Variants in PDXDC1 observed in about 807,000 individuals in gnomAD.
PDXDC1 encodes pyridoxal dependent decarboxylase domain containing 1.
PDXDC1 carries 42 observed loss-of-function variants against 100.1 expected under a neutral mutation model. The observed-to-expected ratio is 0.42, with a 90% CI of 0.33 to 0.54. The LOEUF (loss-of-function observed/expected upper bound fraction) is 0.54. Among genes scored for constraint, PDXDC1 ranks in the 20% least tolerant of loss-of-function variants. PDXDC1 has a pLI of 0.10. For missense variants in PDXDC1, 636 were observed against 979.2 expected, an observed-to-expected ratio of 0.65 and a Z score of 4.68; for synonymous variants, 260 against 371.7, an observed-to-expected ratio of 0.70 and a Z score of 3.46.
chr16:15,139,772 C>A (rs1454697658), downstream of PDXDC1, among the ~76,000 whole-genome samples: 1 of 151,708 alleles, frequency 6.6e-6, no homozygotes, highest in Non-Finnish European at 1.5e-5. Flanking sequence ...CAGAGCAAGA[C>A]CCGGTCTCGA....
intron 16 of PDXDC1, among the ~76,000 whole-genome samples, chr16:15,076,980 C>CTTTT (rs11419800): frequency 2.8e-5 from 4 of 143,916 alleles, no homozygotes; most frequent in Admixed American, 6.9e-5. Context: ...ACCCAAATCA[C>CTTTT]TTTTTTTTTT....
chr16:15,083,576 C>A lies in PDXDC1; in HGVS notation c.1399+53520C>A, dbSNP rs556979990. The stretch of plus-strand genomic sequence containing the variant: ...CCACCAGTATTGGCATGAGAAACCA[C>A]GGTGTCCTATTTTTAAAAAATTAAA... On this transcript the variant is annotated intron_variant, in intron 16 of 16. Coordinates refer to the PDXDC1 transcript ENST00000535621. 5.0e-6 allele frequency: 8 copies of A among 1,606,176 alleles called. No homozygotes were observed. In the East Asian group the frequency reaches 1.6e-4, roughly 31 times the overall value.
At chr16:15,021,415 C>T (rs1198223253) in intron 12 of PDXDC1, among the ~76,000 whole-genome samples, 3 of 152,274 alleles carry the variant, frequency 2.0e-5, no homozygotes, top group African/African-American at 2.4e-5. Flanking sequence ...GATTGATGCT[C>T]ATTATGTTTA....
rs1273359479 is a variant in PDXDC1 at position 15,062,037 on chromosome 16, A to T, written c.1399+31981A>T. 8.6e-6 allele frequency: 8 copies of T among 927,688 alleles called. No individual in the cohort carries two copies. In the Admixed American group the frequency reaches 2.1e-4, roughly 24 times the overall value. The allele number at this position is 927,688 out of a possible 1,614,324, so 57.5% of individuals were successfully genotyped here. The stretch of plus-strand genomic sequence containing the variant: ...AATATCTTAATTTCAAAAGAAAGCC[A>T]GTGTAGTGGCACACGCCTGTAGTCC... On this transcript the variant is annotated intron_variant, in intron 16 of 16. Coordinates refer to the PDXDC1 transcript ENST00000535621.
At chr16:15,014,206 CAAAAAAAAAAAAAAAA>C (rs1282972375) in intron 8 of PDXDC1, among the ~76,000 whole-genome samples, 1 of 144,236 alleles carries the variant, frequency 6.9e-6, no homozygotes, top group Non-Finnish European at 1.5e-5. Flanking sequence ...GACTCTGTCT[CAAAAAAAAAAAAAAAA>C]GACAAAATAG....
chr16:14,984,199 T>TA, intron 1 of PDXDC1, among the ~76,000 whole-genome samples: 1 of 113,340 alleles, frequency 8.8e-6, no homozygotes, highest in Middle Eastern at 6.5e-3. Flanking sequence ...CCAAAAAAGG[T>TA]ACAGAGCATT....
At chr16:15,062,536 G>C (rs2044755854) in intron 16 of PDXDC1, among the ~76,000 whole-genome samples, 1 of 152,200 alleles carries the variant, frequency 6.6e-6, no homozygotes, top group African/African-American at 2.4e-5. Flanking sequence ...CTCTCTAACT[G>C]TAACTGTCTC....
chr16:15,082,660 G>A (rs2045755634), intron 16 of PDXDC1, among the ~76,000 whole-genome samples: 1 of 151,678 alleles, frequency 6.6e-6, no homozygotes, highest in Admixed American at 6.6e-5. Context: ...GTGACAGACG[G>A]AGACTGTCCC....
chr16:15,021,074 A>G (rs2042167883), intron 12 of PDXDC1, among the ~76,000 whole-genome samples: 1 of 151,960 alleles, frequency 6.6e-6, no homozygotes, highest in Non-Finnish European at 1.5e-5. Context: ...AGGATAGTTC[A>G]ACAGTTTTAA....
intron 16 of PDXDC1, among the ~76,000 whole-genome samples, chr16:15,081,043 C>A (rs961652352): frequency 6.6e-6 from 1 of 152,134 alleles, no homozygotes; most frequent in Non-Finnish European, 1.5e-5. Context: ...AGGGTCCAAT[C>A]ATGTTGTAAC....
rs757514997 is a variant in PDXDC1 at position 15,031,914 on chromosome 16, CTT to C, written c.1571+9_1571+10del. 2 of 1,589,834 alleles carry C rather than the reference CTT, an allele frequency of 1.3e-6. No homozygotes were observed. The highest frequency in any genetic ancestry group is 1.7e-6 in the Non-Finnish European group (2 of 1,164,946). ...TGGAATAGGGGTTGTCAGGTAAAGT[CTT>C]GGCCTGCCGCTTGATGTTGGAGACT... On this transcript the variant is annotated intron_variant, in intron 17 of 22. Transcript: ENST00000396410.
chr16:15,083,640 A>G (rs1250252084), intron 16 of PDXDC1: 1 of 1,574,580 alleles, frequency 6.4e-7, no homozygotes, highest in Non-Finnish European at 8.6e-7. Context: ...AAAGGAATAA[A>G]AAGGAAAACT....
intron 16 of PDXDC1, among the ~76,000 whole-genome samples, chr16:15,059,718 G>A (rs1487761054): frequency 6.6e-6 from 1 of 152,212 alleles, no homozygotes; most frequent in African/African-American, 2.4e-5. Context: ...TAATTTATAA[G>A]GAGATTTCAC....
intron 16 of PDXDC1, among the ~76,000 whole-genome samples, chr16:15,067,137 G>C (rs943321175): frequency 2.0e-5 from 3 of 151,064 alleles, no homozygotes; most frequent in Non-Finnish European, 4.4e-5. Context: ...ACTCAGAAGA[G>C]AGGACACCTT....
chr16:15,081,702 T>A (rs978604498), intron 16 of PDXDC1, among the ~76,000 whole-genome samples: 4 of 152,240 alleles, frequency 2.6e-5, no homozygotes, highest in Non-Finnish European at 5.9e-5. Flanking sequence ...TGCATTTTTT[T>A]CTTTGGTTGC....
At chr16:15,046,084 A>G (rs2044048122) in intron 16 of PDXDC1, 2 of 152,292 alleles carry the variant, frequency 1.3e-5, no homozygotes, top group South Asian at 4.1e-4. Flanking sequence ...GTGTGGCAAC[A>G]TAATGGCATT....
At chr16:14,976,105 G>A (rs1275513747) in intron 1 of PDXDC1, among the ~76,000 whole-genome samples, 2 of 152,280 alleles carry the variant, frequency 1.3e-5, no homozygotes, top group African/African-American at 4.8e-5. Flanking sequence ...CAGTGTTAGG[G>A]CTTGTAAATG....
intron 16 of PDXDC1, chr16:15,109,169 T>C (rs1245311965): frequency 6.7e-6 from 1 of 149,156 alleles, no homozygotes; most frequent in Non-Finnish European, 1.5e-5. Context: ...ATCAGTCATA[T>C]GGGCAGCAAA....
rs556147803 is a variant in PDXDC1 at position 15,085,911 on chromosome 16, C to G, written c.1400-52968C>G. Among the ~76,000 whole-genome samples, 11 of 152,208 alleles carry G rather than the reference C, an allele frequency of 7.2e-5. No homozygotes were observed. In the South Asian group the frequency reaches 2.3e-3, roughly 32 times the overall value. ...AACGGCTAAAAATTCCTAGATTTCA[C>G]CAGGAGTTCAATAAAGCAAATAAAT... On this transcript the variant is annotated intron_variant, in intron 16 of 16. Coordinates refer to the PDXDC1 transcript ENST00000535621.
Sources: allele counts gnomAD v4.1 joint callset (sites outside exome capture counted in the v4.1 genomes callset), GRCh38; gene constraint gnomAD v4.1.1; transcripts MANE v1.5; gene names NCBI Gene and HGNC (gene_info 2026-07-23, HGNC 2026-07-21).